RELN: variants seen among roughly 807,000 people sequenced by gnomAD.
RELN encodes the protein reelin.
In RELN, 108 loss-of-function variants were observed where a neutral mutation model predicts 427.6. The ratio of observed to expected loss-of-function variants is 0.25; its 90% CI spans 0.22 to 0.30. The LOEUF (loss-of-function observed/expected upper bound fraction) is 0.30, where lower values mean the gene tolerates loss of function less well. Among genes scored for constraint, RELN ranks in the 10% least tolerant of loss-of-function variants. RELN has a pLI of 1.00. For synonymous variants in RELN, 1,524 were observed against 1,513.4 expected (o/e 1.01, Z -0.16); for missense variants, 3,715 against 4,302.8 (o/e 0.86, Z 3.82).
intron 46 of RELN, among the ~76,000 whole-genome samples, chr7:103,535,002 T>G (rs917887141): frequency 3.3e-5 from 5 of 152,200 alleles, no homozygotes; most frequent in African/African-American, 9.7e-5. Context: ...TTAAACGACT[T>G]GTCTGGGCAT....
intron 2 of RELN, among the ~76,000 whole-genome samples, chr7:103,835,978 C>T (rs147353855): frequency 0.027 from 3,794 of 140,748 alleles, 63 homozygotes; most frequent in African/African-American, 0.037. Context: ...TTTTTATAGG[C>T]GGAGTCTCAC....
chr7:103,552,244 AT>A (rs1024907089), intron 40 of RELN, among the ~76,000 whole-genome samples: 1 of 152,138 alleles, frequency 6.6e-6, no homozygotes, highest in African/African-American at 2.4e-5. Flanking sequence ...AATGCACGCA[AT>A]TCTTTCTATA....
chr7:103,848,590 T>A (rs1793737462), intron 2 of RELN, among the ~76,000 whole-genome samples: 2 of 152,174 alleles, frequency 1.3e-5, no homozygotes, highest in Admixed American at 6.5e-5. Flanking sequence ...GGTCCCCAGG[T>A]CACATTGCAC....
intron 4 of RELN, among the ~76,000 whole-genome samples, chr7:103,762,946 G>T (rs1253852027): frequency 6.6e-6 from 1 of 152,184 alleles, no homozygotes; most frequent in Non-Finnish European, 1.5e-5. Context: ...ATGTATGCAA[G>T]ATGCATGCCC....
intron 22 of RELN, 104 bp downstream of exon 22, chr7:103,610,591 C>T (rs1831927404): frequency 1.3e-6 from 1 of 744,222 alleles, no homozygotes. Context: ...TTGTGCTTAA[C>T]TTGCCTTCAT....
intron 12 of RELN, among the ~76,000 whole-genome samples, chr7:103,654,795 G>C (rs1463758481): frequency 6.6e-6 from 1 of 151,832 alleles, no homozygotes; most frequent in Non-Finnish European, 1.5e-5. Flanking sequence ...CTACTTTATA[G>C]TCATGGAAAA....
intron 2 of RELN, among the ~76,000 whole-genome samples, chr7:103,877,613 C>T (rs997459208): frequency 6.6e-6 from 1 of 152,068 alleles, no homozygotes; most frequent in African/African-American, 2.4e-5. Flanking sequence ...TTCTAAAGTG[C>T]AAATTCATCA....
chr7:103,589,979 T>A, intron 27 of RELN, 151 bp from the exon 28 acceptor site: 1 of 661,378 alleles, frequency 1.5e-6, no homozygotes, highest in Non-Finnish European at 2.7e-6. Context: ...ACCAAGACCC[T>A]TCAATAGATT....
At chr7:103,641,753 C>G (rs1360464019) in intron 16 of RELN, among the ~76,000 whole-genome samples, 1 of 152,070 alleles carries the variant, frequency 6.6e-6, no homozygotes, top group Non-Finnish European at 1.5e-5. Flanking sequence ...TCCTTGACAC[C>G]CTCCTGTCCT....
rs1407141691 is a variant in RELN, at chr7:103,497,845, C to T, written c.8925G>A (p.Val2975=). ...CHRPICRKEG[V]LLDYSTDGGI... is the part of the protein sequence containing the mutation. ...CTCCATCGGTAGAGTAGTCCAACAG[C>T]ACGCCTTCCTTCCGGCAGATGGGAC... The change falls in exon 55 of 65, where the codon GTG becomes GTA. Residue 2975 remains valine, a synonymous_variant. Coordinates refer to ENST00000428762, the MANE Select transcript of RELN (RefSeq NM_005045.4). The T allele has an allele frequency of 1.2e-6, 2 of 1,614,132 alleles. No homozygotes were observed. The highest frequency in any genetic ancestry group is 2.2e-5 in the East Asian group (1 of 44,886).
chr7:103,672,832 A>G (rs1309595958), intron 11 of RELN, among the ~76,000 whole-genome samples: 1 of 152,110 alleles, frequency 6.6e-6, no homozygotes, highest in Non-Finnish European at 1.5e-5. Context: ...CTAATTTTTA[A>G]CTTGTTTATT....
In RELN at chr7:103,931,877, A is replaced by G. The variant is rs77866010; in HGVS notation, c.227-14692T>C. 1.9e-3 allele frequency among the ~76,000 whole-genome samples: 283 copies of G among 152,270 alleles called. 5 individuals carry two copies. In the East Asian group the frequency reaches 0.045, roughly 24 times the overall value. ...GTGGAGGGAACACCAGAACAGATGC[A>G]AAAGAAGTGAAACAGGCCAGGAAGG... is the stretch of plus-strand genomic sequence containing the variant. On this transcript the variant is annotated intron_variant, in intron 1 of 64. Coordinates refer to ENST00000428762, the MANE Select transcript of RELN (RefSeq NM_005045.4).
intron 1 of RELN, among the ~76,000 whole-genome samples, chr7:103,947,844 G>A (rs1796251103): frequency 6.6e-6 from 1 of 152,266 alleles, no homozygotes; most frequent in East Asian, 1.9e-4. Context: ...TGTCAATCAT[G>A]CTTAGGAGAA....
intron 36 of RELN, among the ~76,000 whole-genome samples, chr7:103,558,892 C>A (rs1339400257): frequency 1.3e-5 from 2 of 152,174 alleles, no homozygotes; most frequent in Non-Finnish European, 2.9e-5. Flanking sequence ...TCACTGATTT[C>A]TCATCAACTA....
At chr7:103,732,677 A>G (rs1790384659) in intron 6 of RELN, among the ~76,000 whole-genome samples, 1 of 152,138 alleles carries the variant, frequency 6.6e-6, no homozygotes, top group African/African-American at 2.4e-5. Flanking sequence ...CAAGGAAAGT[A>G]ATTCCTGGCT....
chr7:103,511,094 T>A, intron 50 of RELN, 89 bp from the exon 51 acceptor site: 1 of 903,798 alleles, frequency 1.1e-6, no homozygotes, highest in South Asian at 1.4e-5. Context: ...TAGAATTATT[T>A]TAAGTAGAAA....
intron 34 of RELN, 93 bp downstream of exon 34, chr7:103,565,185 G>T: frequency 1.4e-6 from 2 of 1,464,208 alleles, no homozygotes; most frequent in Non-Finnish European, 1.9e-6. Context: ...TATCATGAAA[G>T]AATAATAGAA....
chr7:103,765,339 A>G (rs1791402937), intron 4 of RELN, among the ~76,000 whole-genome samples: 2 of 152,154 alleles, frequency 1.3e-5, no homozygotes, highest in African/African-American at 2.4e-5. Flanking sequence ...CTGGGTTTGC[A>G]TTAGTAAACC....
intron 4 of RELN, among the ~76,000 whole-genome samples, chr7:103,768,264 C>T (rs968674335): frequency 6.6e-6 from 1 of 151,950 alleles, no homozygotes; most frequent in Non-Finnish European, 1.5e-5. Flanking sequence ...GCACCCCAGA[C>T]TAAAGATGGA....
Sources: gnomAD v4.1 joint callset for allele counts (sites outside exome capture counted in the v4.1 genomes callset) on GRCh38, gnomAD v4.1.1 for gene constraint, MANE v1.5 for transcripts, NCBI Gene and HGNC (gene_info 2026-07-23, HGNC 2026-07-21) for gene names.